KLHDC4: variants seen among roughly 807,000 people sequenced by gnomAD.
KLHDC4 encodes the protein kelch domain containing 4.
In KLHDC4, 90 loss-of-function variants were observed where a neutral mutation model predicts 62.4. The observed-to-expected ratio is 1.44, with a 90% CI of 1.22 to 1.72. The LOEUF is 1.72. Among genes scored for constraint, KLHDC4 ranks in the 40% most tolerant of loss-of-function variants. The pLI is 0.00. For missense variants in KLHDC4, 1,025 were observed against 699.7 expected, an observed-to-expected ratio of 1.47 and a Z score of -5.25; for synonymous variants, 386 against 284.4, an observed-to-expected ratio of 1.36 and a Z score of -3.59.
intron 7 of KLHDC4, among the ~76,000 whole-genome samples, chr16:87,721,918 C>A (rs1373344577): frequency 1.3e-5 from 2 of 151,932 alleles, no homozygotes; most frequent in Non-Finnish European, 2.9e-5. Flanking sequence ...AAACAGACCA[C>A]TAGGTGATAA....
At chr16:87,704,628 C>T (rs570137217), downstream of KLHDC4, among the ~76,000 whole-genome samples, 1 of 151,946 alleles carries the variant, frequency 6.6e-6, no homozygotes, top group Non-Finnish European at 1.5e-5. Flanking sequence ...TGGGGAGGGT[C>T]TCTCTCACCA....
chr16:87,754,584 C>A (rs916785728), intron 4 of KLHDC4, among the ~76,000 whole-genome samples: 3 of 152,218 alleles, frequency 2.0e-5, no homozygotes, highest in African/African-American at 4.8e-5. Context: ...TTTCTCTGCA[C>A]TGGAGAGGCA....
At position 87,748,773 on chromosome 16, in the gene KLHDC4, C is replaced by T; in HGVS notation, c.406G>A (p.Val136Ile). Residue 136 changes from valine to isoleucine, a missense_variant, in exon 5 of 12, where the codon GTC (valine) becomes ATC (isoleucine). Physicochemically the swap from Val to Ile is conservative, Grantham distance 29. Coordinates refer to ENST00000270583, the MANE Select transcript of KLHDC4 (RefSeq NM_017566.4). ...GGAGAGGCAAACTCCCCTCCAAAGA[C>T]CCACAGCTGTCCGCCACCTTGAGGC... ...VVPQGGGQLW[V>I]FGGEFASPNG... is the part of the protein sequence containing the mutation. 1 of 1,613,238 alleles carries T rather than the reference C, an allele frequency of 6.2e-7. No individual in the cohort carries two copies. Among genetic ancestry groups the T allele is most frequent in the Admixed American group, 1.7e-5 (1 of 59,856 alleles).
intron 1 of KLHDC4, among the ~76,000 whole-genome samples, chr16:87,762,760 C>T (rs919293749): frequency 6.6e-6 from 1 of 152,158 alleles, no homozygotes; most frequent in Non-Finnish European, 1.5e-5. Flanking sequence ...ACCCAGTGTT[C>T]CCGCCTCAGT....
At chr16:87,724,390 A>C (rs541751750) in intron 7 of KLHDC4, among the ~76,000 whole-genome samples, 358 of 152,360 alleles carry the variant, frequency 2.3e-3, no homozygotes, top group Non-Finnish European at 4.1e-3. Flanking sequence ...TCAAAAACTC[A>C]AAGCTTCTCA....
intron 8 of KLHDC4, among the ~76,000 whole-genome samples, chr16:87,712,676 G>C (rs2142948373): frequency 6.6e-6 from 1 of 152,358 alleles, no homozygotes; most frequent in South Asian, 2.1e-4. Flanking sequence ...GAGGCACCTG[G>C]GCCTTTTGAC....
At chr16:87,719,663 T>C (rs529833339) in intron 7 of KLHDC4, among the ~76,000 whole-genome samples, 7 of 131,482 alleles carry the variant, frequency 5.3e-5, no homozygotes, top group Non-Finnish European at 1.1e-4. Context: ...GAATGATCAA[T>C]AAATACTAAA....
intron 2 of KLHDC4, among the ~76,000 whole-genome samples, chr16:87,757,895 A>C (rs1300886748): frequency 6.6e-6 from 1 of 152,146 alleles, no homozygotes; most frequent in African/African-American, 2.4e-5. Context: ...GTCTTAAAAA[A>C]ACAAAAAATA....
rs149561826 is a variant in KLHDC4 at position 87,761,356 on chromosome 16, G to A, written c.191+593C>T. 2.0e-5 allele frequency among the ~76,000 whole-genome samples: 3 copies of A among 152,270 alleles called. No individual in the cohort carries two copies. The East Asian group carries it at 5.8e-4, about 29-fold the overall frequency. ...CTCCACTCCCGATGGGCTGAACCCC[G>A]GCTTCCACTAGGGCCTGCAGCAGCT... On this transcript the variant is annotated intron_variant, in intron 2 of 11. Coordinates refer to ENST00000270583, the MANE Select transcript of KLHDC4 (RefSeq NM_017566.4).
intron 4 of KLHDC4, 81 bp downstream of exon 4, chr16:87,755,113 G>T: frequency 1.1e-6 from 1 of 941,462 alleles, no homozygotes; most frequent in Non-Finnish European, 1.7e-6. Context: ...CCAGCTGCCT[G>T]TCACCTATCA....
intron 2 of KLHDC4, among the ~76,000 whole-genome samples, chr16:87,758,041 C>A (rs966798323): frequency 1.3e-5 from 2 of 152,202 alleles, no homozygotes; most frequent in Non-Finnish European, 1.5e-5. Context: ...ATAATGCCAA[C>A]TCCAAAAGAT....
At chr16:87,758,231 G>A (rs1286244632) in intron 2 of KLHDC4, among the ~76,000 whole-genome samples, 1 of 152,202 alleles carries the variant, frequency 6.6e-6, no homozygotes, top group Non-Finnish European at 1.5e-5. Flanking sequence ...TTCGTTCCCA[G>A]GCATTAGCTC....
chr16:87,721,115 C>T (rs1182943241), intron 7 of KLHDC4, among the ~76,000 whole-genome samples: 5 of 152,184 alleles, frequency 3.3e-5, no homozygotes, highest in Admixed American at 1.3e-4. Flanking sequence ...TTTTCAGCTT[C>T]GCCATTAAAA....
chr16:87,755,327 T>C (rs1259203898), intron 3 of KLHDC4, 35 bp from the exon 4 acceptor site: 3 of 1,108,818 alleles, frequency 2.7e-6, no homozygotes, highest in East Asian at 2.4e-5. Context: ...GTGTCACAAA[T>C]GATACGCTTC....
At chr16:87,755,039 G>A (rs1041741348) in intron 4 of KLHDC4, among the ~76,000 whole-genome samples, 155 bp downstream of exon 4, 7 of 152,198 alleles carry the variant, frequency 4.6e-5, no homozygotes, top group Admixed American at 4.6e-4. Context: ...TGAAGAAGCT[G>A]AGTAAGGAAT....
At chr16:87,720,404 G>A (rs1201725723) in intron 7 of KLHDC4, among the ~76,000 whole-genome samples, 6 of 152,088 alleles carry the variant, frequency 3.9e-5, no homozygotes, top group Non-Finnish European at 7.4e-5. Context: ...CCATCCAGGC[G>A]CCCGAAGACG....
chr16:87,765,073 T>C (rs1306388598), intron 1 of KLHDC4: 1 of 455,060 alleles, frequency 2.2e-6, no homozygotes, highest in Admixed American at 2.4e-5. Flanking sequence ...GACCTGCTCG[T>C]GAGGAGTAAA....
At chr16:87,723,112 G>C (rs2038732526) in intron 7 of KLHDC4, among the ~76,000 whole-genome samples, 1 of 152,224 alleles carries the variant, frequency 6.6e-6, no homozygotes, top group South Asian at 2.1e-4. Context: ...CCCAAGCTCA[G>C]GTACGGGCCA....
intron 7 of KLHDC4, among the ~76,000 whole-genome samples, chr16:87,721,213 G>A (rs1003065206): frequency 5.9e-5 from 9 of 152,166 alleles, no homozygotes; most frequent in Non-Finnish European, 1.2e-4. Context: ...AAGGTCAGGA[G>A]ATCGAGACCA....
Sources: allele counts gnomAD v4.1 joint callset (sites outside exome capture counted in the v4.1 genomes callset), GRCh38; gene constraint gnomAD v4.1.1; transcripts MANE v1.5; gene names NCBI Gene and HGNC (gene_info 2026-07-23, HGNC 2026-07-21).